The following TTC7A variants were observed in gnomAD, a reference collection of about 807,000 sequenced individuals.
TTC7A encodes tetratricopeptide repeat protein 7A.
A neutral mutation model predicts 103.7 loss-of-function variants in TTC7A; 110 were observed. The observed-to-expected ratio is 1.06, with a 90% CI of 0.91 to 1.24. TTC7A has a LOEUF of 1.24. Ranked by LOEUF, TTC7A falls within the 50% of genes most tolerant of loss-of-function variation. The pLI is 0.00. For missense variants in TTC7A, 1,340 were observed against 1,116.3 expected, an observed-to-expected ratio of 1.20 and a Z score of -2.86; for synonymous variants, 521 against 467.9, an observed-to-expected ratio of 1.11 and a Z score of -1.47.
Position 46,941,626 on chromosome 2 carries a change from A to T in TTC7A, c.85A>T (p.Met29Leu), listed in dbSNP as rs976227149. ...RCRAEGHWDR[M>L]PELVRQLQTL... ...CCGCGCCGAGGGCCACTGGGACCGC[A>T]TGCCGGAGCTGGTCCGGCAGCTGCA... is the stretch of plus-strand genomic sequence containing the variant. The change falls in exon 1 of 20, where the codon ATG becomes TTG. Residue 29 changes from methionine (M) to leucine (L), a missense_variant. Transcript: ENST00000319190. The surrounding 1 kb of genome is among the most constrained non-coding windows in gnomAD (Gnocchi z 4.2). 2 of 1,555,450 alleles carry T rather than the reference A, an allele frequency of 1.3e-6. No homozygotes were observed. The highest frequency in any genetic ancestry group is 1.2e-5 in the South Asian group (1 of 84,354).
intron 1 of TTC7A, among the ~76,000 whole-genome samples, chr2:46,949,415 T>C (rs1671214025): frequency 2.6e-5 from 4 of 152,052 alleles, no homozygotes; most frequent in Non-Finnish European, 4.4e-5. Context: ...GCATTTTTAG[T>C]GGAGACAGAG....
rs1465908246 is a variant in TTC7A at position 47,075,850 on chromosome 2, C to G, written c.*1927C>G. 1 of 152,382 alleles carries G rather than the reference C, an allele frequency of 6.6e-6. No individual in the cohort carries two copies. The highest frequency in any genetic ancestry group is 1.9e-4 in the East Asian group (1 of 5,180). 9.4% of individuals were successfully genotyped at this position (152,382 alleles called of 1,614,324 possible). On this transcript the variant is annotated 3_prime_UTR_variant, in exon 20 of 20. Coordinates refer to ENST00000319190, the MANE Select transcript of TTC7A (RefSeq NM_020458.4). Reference sequence around the variant, plus strand: ...GGGCTGATCCTGGCCTCTGACCTGTCCAGGGCGACCCCTGAAGCCCCTGCT... The same window carrying G: ...GGGCTGATCCTGGCCTCTGACCTGTGCAGGGCGACCCCTGAAGCCCCTGCT...
At chr2:47,036,100 C>T (rs1483144485) in intron 15 of TTC7A, among the ~76,000 whole-genome samples, 1 of 152,240 alleles carries the variant, frequency 6.6e-6, no homozygotes, top group Admixed American at 6.5e-5. Flanking sequence ...TTGGGAAGTC[C>T]TCTCAAGGTA....
At position 47,060,735 on chromosome 2, in the gene TTC7A, A is replaced by C; in HGVS notation, c.2153-34A>C. 3 of 1,566,042 alleles carry C rather than the reference A, an allele frequency of 1.9e-6. No individual in the cohort carries two copies. The South Asian group carries it at 3.6e-5, about 19-fold the overall frequency. Reference sequence around the variant, plus strand: ...GTCAGGATGCCTCTGACTCCCCACCACTCACACCTCCCACTGCCCTTCTGC... The same window carrying C: ...GTCAGGATGCCTCTGACTCCCCACCCCTCACACCTCCCACTGCCCTTCTGC... On this transcript the variant is annotated intron_variant, in intron 18 of 19. Coordinates refer to ENST00000319190, the MANE Select transcript of TTC7A (RefSeq NM_020458.4).
At chr2:46,978,941 G>A (rs748715536) in intron 5 of TTC7A, 34 bp downstream of exon 5, 11 of 1,498,698 alleles carry the variant, frequency 7.3e-6, no homozygotes, top group African/African-American at 2.8e-5. Context: ...GTGGGAGAAC[G>A]ATTCCCCTGG....
intron 15 of TTC7A, among the ~76,000 whole-genome samples, chr2:47,038,695 G>C (rs370367392): frequency 1.7e-5 from 2 of 117,984 alleles, no homozygotes; most frequent in East Asian, 5.1e-4. Context: ...CCAGGAGCCA[G>C]AGGGATCCGG....
intron 15 of TTC7A, among the ~76,000 whole-genome samples, chr2:47,039,031 G>T (rs1478621310): frequency 6.6e-6 from 1 of 152,170 alleles, no homozygotes; most frequent in Non-Finnish European, 1.5e-5. Flanking sequence ...CTCTTGAGGG[G>T]TGACATGCGC....
chr2:47,013,902 A>G (rs1678339451), intron 11 of TTC7A, among the ~76,000 whole-genome samples: 1 of 152,192 alleles, frequency 6.6e-6, no homozygotes, highest in Non-Finnish European at 1.5e-5. Context: ...TAAATCAGGC[A>G]CAGGCCAGAG....
At chr2:46,941,135 C>A (rs1207618353), upstream of TTC7A, 2 of 147,832 alleles carry the variant, frequency 1.4e-5, no homozygotes, top group South Asian at 3.6e-4. The surrounding 1 kb of genome is among the most constrained non-coding windows in gnomAD (Gnocchi z 4.2). Flanking sequence ...GAGCCCGGCT[C>A]GCCGAGGCCT....
chr2:47,045,180 A>G (rs921760595), intron 15 of TTC7A, among the ~76,000 whole-genome samples: 1 of 152,164 alleles, frequency 6.6e-6, no homozygotes, highest in Non-Finnish European at 1.5e-5. Flanking sequence ...CGGTGGTTCA[A>G]ACTCTTCGCA....
At chr2:47,008,065 G>C (rs1238712263) in intron 10 of TTC7A, among the ~76,000 whole-genome samples, 1 of 152,214 alleles carries the variant, frequency 6.6e-6, no homozygotes, top group Non-Finnish European at 1.5e-5. Context: ...TCAGCCTGGG[G>C]TAGTAGGGAC....
intron 17 of TTC7A, 100 bp downstream of exon 17, chr2:47,050,146 C>A: frequency 9.8e-7 from 1 of 1,019,698 alleles, no homozygotes; most frequent in Non-Finnish European, 1.5e-6. Flanking sequence ...CTCTCCCAGC[C>A]GGGCCAAGCC....
chr2:47,047,328 A>G (rs975104677), intron 16 of TTC7A: 2 of 1,547,464 alleles, frequency 1.3e-6, no homozygotes, highest in Non-Finnish European at 1.7e-6. Context: ...AGTGAAATTT[A>G]CAGAGGAGGG....
intron 3 of TTC7A, among the ~76,000 whole-genome samples, chr2:46,968,505 T>C (rs1361362529): frequency 2.6e-5 from 4 of 152,030 alleles, no homozygotes; most frequent in Non-Finnish European, 5.9e-5. Flanking sequence ...GACAGGAAAA[T>C]AGACCTTATC....
intron 1 of TTC7A, among the ~76,000 whole-genome samples, chr2:46,944,538 G>A (rs1029391243): frequency 1.1e-4 from 16 of 152,006 alleles, no homozygotes; most frequent in African/African-American, 3.6e-4. Flanking sequence ...GCAACAAAGT[G>A]AGATCCCATC....
intron 8 of TTC7A, 33 bp downstream of exon 8, chr2:46,995,232 G>GCCCTCTGA (rs1558552609): frequency 3.1e-6 from 5 of 1,610,888 alleles, no homozygotes; most frequent in Non-Finnish European, 3.4e-6. Context: ...GGGGCCTCTG[G>GCCCTCTGA]CCCTCTGACC....
intron 19 of TTC7A, among the ~76,000 whole-genome samples, chr2:47,072,651 C>T (rs1442681682): frequency 1.3e-5 from 2 of 152,164 alleles, no homozygotes; most frequent in East Asian, 1.9e-4. Flanking sequence ...ACCCCCACTG[C>T]GGCCCCCGCC....
chr2:47,038,944 TC>T (rs1263334249), intron 15 of TTC7A, among the ~76,000 whole-genome samples: 1 of 151,914 alleles, frequency 6.6e-6, no homozygotes, highest in Non-Finnish European at 1.5e-5. Context: ...GACCTAGTTC[TC>T]CCCCAGATGA....
chr2:47,063,379 T>C (rs936179999), intron 19 of TTC7A, among the ~76,000 whole-genome samples: 46 of 152,218 alleles, frequency 3.0e-4, no homozygotes, highest in African/African-American at 1.0e-3. Flanking sequence ...CCCTCACCAG[T>C]GTCAGACATT....
Sources: allele counts gnomAD v4.1 joint callset (sites outside exome capture counted in the v4.1 genomes callset), GRCh38; gene constraint gnomAD v4.1.1; non-coding constraint Gnocchi (gnomAD v3.1); transcripts MANE v1.5; gene names NCBI Gene and HGNC (gene_info 2026-07-23, HGNC 2026-07-21).